SGCD: variants seen among roughly 807,000 people sequenced by gnomAD.
SGCD encodes sarcoglycan delta, also known as delta-sarcoglycan.
SGCD carries 18 observed loss-of-function variants against 36.6 expected under a neutral mutation model. The ratio of observed to expected loss-of-function variants is 0.49; its 90% confidence interval spans 0.34 to 0.73. SGCD has a LOEUF of 0.73. SGCD is among the 30% of genes least tolerant of loss of function. The probability of loss-of-function intolerance (pLI) is 0.01; values close to 1 mark genes in which losing one functional copy is unlikely to be tolerated. For missense variants in SGCD, 387 were observed against 346.7 expected, an observed-to-expected ratio of 1.12 and a Z score of -0.92; for synonymous variants, 133 against 130.6, an observed-to-expected ratio of 1.02 and a Z score of -0.12.
chr5:156,237,360 C>T (rs763428995), intron 3 of SGCD, among the ~76,000 whole-genome samples: 2 of 152,050 alleles, frequency 1.3e-5, no homozygotes, highest in Non-Finnish European at 2.9e-5. Flanking sequence ...TGTGGTGCCT[C>T]ATGCCTGTAA....
chr5:155,779,033 G>A, the SGCD span, among the ~76,000 whole-genome samples: 3 of 152,132 alleles, frequency 2.0e-5, no homozygotes, highest in Admixed American at 2.0e-4. Context: ...CATCTCTGTT[G>A]GAATAAGACT....
chr5:156,127,477 C>A (rs1421430783), intron 3 of SGCD, among the ~76,000 whole-genome samples: 2 of 151,920 alleles, frequency 1.3e-5, no homozygotes, highest in African/African-American at 4.8e-5. Context: ...ATTAGCCAGG[C>A]ATCGTAGCAT....
At chr5:156,408,638 C>A (rs1177790957) in intron 3 of SGCD, among the ~76,000 whole-genome samples, 1 of 152,174 alleles carries the variant, frequency 6.6e-6, no homozygotes, top group Non-Finnish European at 1.5e-5. Flanking sequence ...GGATTACAGG[C>A]GTGAACCACC....
chr5:156,698,698 C>A (rs1754412074), intron 7 of SGCD, among the ~76,000 whole-genome samples: 1 of 152,160 alleles, frequency 6.6e-6, no homozygotes, highest in African/African-American at 2.4e-5. Context: ...TGGAGACATA[C>A]CAGCCCTGGA....
intron 4 of SGCD, among the ~76,000 whole-genome samples, chr5:156,512,551 C>G (rs943616532): frequency 6.6e-6 from 1 of 152,176 alleles, no homozygotes; most frequent in Non-Finnish European, 1.5e-5. Flanking sequence ...ACATGTTTCT[C>G]ATAATGTATC....
chr5:156,081,214 A>G (rs1760943185), intron 1 of SGCD, among the ~76,000 whole-genome samples: 1 of 152,072 alleles, frequency 6.6e-6, no homozygotes, highest in African/African-American at 2.4e-5. Context: ...ATACACCTCT[A>G]AACAAACTTA....
At chr5:156,463,137 G>GGTTTGTTT (rs144573276) in intron 3 of SGCD, among the ~76,000 whole-genome samples, 42 of 151,904 alleles carry the variant, frequency 2.8e-4, no homozygotes, top group Non-Finnish European at 5.4e-4. Flanking sequence ...TTGTTTTTTT[G>GGTTTGTTT]GTTTGTTTGT....
chr5:156,596,976 G>T (rs1226574297), intron 6 of SGCD, among the ~76,000 whole-genome samples: 1 of 152,114 alleles, frequency 6.6e-6, no homozygotes, highest in East Asian at 1.9e-4. Context: ...GCTCAGCATA[G>T]TCAAAAGATG....
At chr5:156,408,820 A>C (rs910324056) in intron 3 of SGCD, among the ~76,000 whole-genome samples, 1 of 152,184 alleles carries the variant, frequency 6.6e-6, no homozygotes, top group Non-Finnish European at 1.5e-5. Context: ...AAAGAAGTTG[A>C]AATTGAGAGC....
the SGCD span, among the ~76,000 whole-genome samples, chr5:155,793,953 G>GAAAAAAAAA: frequency 1.0e-5 from 1 of 100,348 alleles, no homozygotes; most frequent in African/African-American, 3.5e-5. Flanking sequence ...AAGCAAAAAT[G>GAAAAAAAAA]AAAAAAAAAA....
chr5:156,347,380 A>C (rs1479723363), intron 3 of SGCD, among the ~76,000 whole-genome samples: 2 of 152,212 alleles, frequency 1.3e-5, no homozygotes, highest in African/African-American at 2.4e-5. Context: ...AATATTAAAC[A>C]GGAGAATACT....
rs553371703 is a variant in SGCD at position 156,622,729 on chromosome 5, T to C, written c.503-24735T>C. Reference sequence around the variant, plus strand: ...GGGGTGTGAGCTAATGGTAATGAACTGGGAGAAACTTAGCAAGACCTGTTT... The same window carrying C: ...GGGGTGTGAGCTAATGGTAATGAACCGGGAGAAACTTAGCAAGACCTGTTT... On this transcript the variant is annotated intron_variant, in intron 6 of 8. Transcript: ENST00000337851. 1.1e-4 allele frequency among the ~76,000 whole-genome samples: 16 copies of C among 152,204 alleles called. 1 individual carries two copies. Among genetic ancestry groups the C allele is most frequent in the African/African-American group, 3.9e-4 (16 of 41,544 alleles).
chr5:156,133,767 C>G (rs1762383657), intron 3 of SGCD, among the ~76,000 whole-genome samples: 1 of 151,990 alleles, frequency 6.6e-6, no homozygotes, highest in Non-Finnish European at 1.5e-5. Context: ...AAAAAAAGAT[C>G]TGTGTTTTTC....
intron 3 of SGCD, among the ~76,000 whole-genome samples, chr5:156,408,384 G>A (rs1246971051): frequency 1.3e-5 from 2 of 149,526 alleles, no homozygotes; most frequent in Admixed American, 6.7e-5. Context: ...TTGAGATGGA[G>A]TTTTGCTCTT....
At chr5:156,578,307 C>T (rs1162364530) in intron 4 of SGCD, among the ~76,000 whole-genome samples, 7 of 152,098 alleles carry the variant, frequency 4.6e-5, no homozygotes, top group African/African-American at 1.4e-4. Context: ...CTGCTGGATT[C>T]GATTTGCCAG....
At chr5:156,609,220 G>A (rs1761651065) in intron 6 of SGCD, among the ~76,000 whole-genome samples, 1 of 152,092 alleles carries the variant, frequency 6.6e-6, no homozygotes, top group South Asian at 2.1e-4. Flanking sequence ...TCCTTCCGGA[G>A]CTGTTTTAGG....
intron 3 of SGCD, among the ~76,000 whole-genome samples, chr5:156,345,961 C>A (rs928139095): frequency 6.6e-6 from 1 of 151,928 alleles, no homozygotes; most frequent in Non-Finnish European, 1.5e-5. Flanking sequence ...TCTTGCTACT[C>A]CTGTAGTTCC....
rs543620562 is a variant in SGCD at position 156,406,425 on chromosome 5, CT to C, written c.192+61749del. Among the ~76,000 whole-genome samples, 114 of 152,012 alleles carry C rather than the reference CT, an allele frequency of 7.5e-4. 1 individual carries two copies. Among genetic ancestry groups the C allele is most frequent in the African/African-American group, 2.7e-3 (110 of 41,452 alleles). On this transcript the variant is annotated intron_variant, in intron 3 of 8. Coordinates refer to ENST00000337851, the MANE Select transcript of SGCD (RefSeq NM_000337.6). ...CACCTACTTCTGCTCTCCTGTGCCCCTCTCCTCTCCTCTCCTCTTCTCTTTA... is the reference window on the plus strand; with the variant it reads ...CACCTACTTCTGCTCTCCTGTGCCCCCTCCTCTCCTCTCCTCTTCTCTTTA...
chr5:156,323,769 T>C (rs1293852297), upstream of SGCD, among the ~76,000 whole-genome samples: 3 of 152,188 alleles, frequency 2.0e-5, no homozygotes, highest in Admixed American at 6.5e-5. Flanking sequence ...TCACCATGTA[T>C]GGAAGGATTC....
Sources: allele counts gnomAD v4.1 joint callset (sites outside exome capture counted in the v4.1 genomes callset), GRCh38; gene constraint gnomAD v4.1.1; transcripts MANE v1.5; gene names NCBI Gene and HGNC (gene_info 2026-07-23, HGNC 2026-07-21).